FHOD3: variants seen among roughly 807,000 people sequenced by gnomAD.
The protein encoded by FHOD3 is formin homology 2 domain containing 3.
FHOD3 carries 90 observed loss-of-function variants against 173.0 expected under a neutral mutation model. That is an observed-to-expected ratio of 0.52 (90% confidence interval 0.44 to 0.62). The LOEUF (loss-of-function observed/expected upper bound fraction) is 0.62. Ranked by LOEUF, FHOD3 falls within the 20% of genes least tolerant of loss-of-function variation. FHOD3 has a pLI of 0.00. For missense variants in FHOD3, 1,945 were observed against 2,034.7 expected (o/e 0.96, Z 0.85); for synonymous variants, 828 against 823.0 (o/e 1.01, Z -0.10).
chr18:36,608,540 T>A (rs1187687430), intron 8 of FHOD3, among the ~76,000 whole-genome samples: 2 of 152,178 alleles, frequency 1.3e-5, no homozygotes, highest in Non-Finnish European at 2.9e-5. Flanking sequence ...CAATGCACCT[T>A]CTAGAATATA....
intron 13 of FHOD3, among the ~76,000 whole-genome samples, chr18:36,655,760 C>T (rs1206214240): frequency 7.1e-6 from 1 of 141,014 alleles, no homozygotes; most frequent in Non-Finnish European, 1.5e-5. Flanking sequence ...CACACACACA[C>T]ACACACACAC....
intron 6 of FHOD3, among the ~76,000 whole-genome samples, chr18:36,577,092 C>CA (rs201527092): frequency 0.064 from 7,984 of 124,196 alleles, 504 homozygotes; most frequent in East Asian, 0.16. Flanking sequence ...GACTCTGTCT[C>CA]AAAAAAAAAA....
intron 3 of FHOD3, among the ~76,000 whole-genome samples, chr18:36,428,248 G>C (rs1044440586): frequency 1.3e-5 from 2 of 152,114 alleles, no homozygotes; most frequent in African/African-American, 4.8e-5. Context: ...TAAATTCTTA[G>C]AGGGCAGGAA....
At chr18:36,423,364 G>A (rs1322025071) in intron 3 of FHOD3, among the ~76,000 whole-genome samples, 1 of 152,100 alleles carries the variant, frequency 6.6e-6, no homozygotes, top group Non-Finnish European at 1.5e-5. Context: ...ACTGAATTTG[G>A]GTGAAGATCT....
intron 3 of FHOD3, among the ~76,000 whole-genome samples, chr18:36,494,283 T>C (rs1199825027): frequency 1.3e-5 from 2 of 152,224 alleles, no homozygotes; most frequent in Non-Finnish European, 2.9e-5. Context: ...CTTTGCCCTC[T>C]ACTCTTGTTA....
At chr18:36,583,032 G>C (rs1343670722) in intron 6 of FHOD3, among the ~76,000 whole-genome samples, 1 of 152,150 alleles carries the variant, frequency 6.6e-6, no homozygotes, top group Non-Finnish European at 1.5e-5. Context: ...TTAACTGTTA[G>C]TGCTAATTTT....
chr18:36,658,646 G>A (rs1197102184), intron 14 of FHOD3, among the ~76,000 whole-genome samples: 2 of 152,180 alleles, frequency 1.3e-5, no homozygotes, highest in African/African-American at 4.8e-5. Flanking sequence ...ATGGGTACAT[G>A]GAAGGAATTT....
intron 6 of FHOD3, among the ~76,000 whole-genome samples, chr18:36,585,356 C>T (rs2058991366): frequency 6.6e-6 from 1 of 152,146 alleles, no homozygotes; most frequent in Admixed American, 6.5e-5. Flanking sequence ...GGCTGTTGCT[C>T]TTCTACCGGC....
In FHOD3 at chr18:36,743,603, T is replaced by G. The variant is rs571217193; in HGVS notation, c.3880-429T>G. 2.6e-5 allele frequency among the ~76,000 whole-genome samples: 4 copies of G among 152,350 alleles called. No individual in the cohort carries two copies. The South Asian group carries it at 8.3e-4, about 32-fold the overall frequency. ...TACAGGTTTGTTACATTGGTAAACA[T>G]GTGCCCTGGTAGTTTGCTGCCCCTA... On this transcript the variant is annotated intron_variant, in intron 22 of 28. Coordinates refer to ENST00000590592, the MANE Select transcript of FHOD3 (RefSeq NM_001281740.3).
At chr18:36,434,172 G>T (rs996488563) in intron 3 of FHOD3, among the ~76,000 whole-genome samples, 3 of 152,142 alleles carry the variant, frequency 2.0e-5, no homozygotes, top group Admixed American at 6.5e-5. Context: ...AGATCACAAA[G>T]ATTTTATCCT....
chr18:36,579,799 T>C (rs2058779470), intron 6 of FHOD3, among the ~76,000 whole-genome samples: 1 of 152,108 alleles, frequency 6.6e-6, no homozygotes, highest in Admixed American at 6.5e-5. Flanking sequence ...ATTTCTGTTC[T>C]TCATAAATTA....
At position 36,300,379 on chromosome 18, in the gene FHOD3, C is replaced by A. The variant is rs116143406; in HGVS notation, c.165+2379C>A. On this transcript the variant is annotated intron_variant, in intron 1 of 28. Transcript: ENST00000590592. ...GGCCAAGCACTTTTAGGCCTGGGGA[C>A]AGGTGAATGTTATAAATGAGTAAAA... 7.9e-5 allele frequency among the ~76,000 whole-genome samples: 12 copies of A among 152,280 alleles called. No homozygotes were observed. The East Asian group carries it at 2.3e-3, about 29-fold the overall frequency.
chr18:36,779,692 G>A lies in FHOD3; in HGVS notation c.*162G>A, dbSNP rs1027636249. ...CCCCATGGCTTGTGTTGCCTGCTACGCATTGACTTGGATCTCCAGGAGTCC... is the reference window on the plus strand; with the variant it reads ...CCCCATGGCTTGTGTTGCCTGCTACACATTGACTTGGATCTCCAGGAGTCC... On this transcript the variant is annotated 3_prime_UTR_variant, in exon 29 of 29. Transcript: ENST00000590592. 1.6e-5 allele frequency: 10 copies of A among 637,636 alleles called. No individual in the cohort carries two copies. The highest frequency in any genetic ancestry group is 3.9e-4 in the Middle Eastern group (1 of 2,532). The allele number at this position is 637,636 out of a possible 1,614,324, so 39.5% of individuals were successfully genotyped here. A position where few individuals can be genotyped will look rare whatever the true frequency, so the allele number is the denominator to read the frequency against.
chr18:36,726,555 C>T (rs1255528615), intron 19 of FHOD3, among the ~76,000 whole-genome samples: 1 of 152,154 alleles, frequency 6.6e-6, no homozygotes, highest in African/African-American at 2.4e-5. Flanking sequence ...TCTTCTCTGA[C>T]CTCTGCTTTA....
chr18:36,561,210 G>T (rs1164133946), intron 5 of FHOD3, among the ~76,000 whole-genome samples: 3 of 152,206 alleles, frequency 2.0e-5, no homozygotes, highest in Non-Finnish European at 4.4e-5. Flanking sequence ...GTCATTGATT[G>T]ACAGCCAGTA....
At chr18:36,593,184 A>C (rs1213847867) in intron 6 of FHOD3, among the ~76,000 whole-genome samples, 1 of 152,208 alleles carries the variant, frequency 6.6e-6, no homozygotes, top group East Asian at 1.9e-4. Context: ...TGGGCAGAGA[A>C]GTAACCACTG....
At chr18:36,592,929 G>A (rs11663994) in intron 6 of FHOD3, among the ~76,000 whole-genome samples, 2 of 152,172 alleles carry the variant, frequency 1.3e-5, no homozygotes, top group Non-Finnish European at 2.9e-5. Flanking sequence ...GCAATATTTA[G>A]CATCTGATCT....
intron 24 of FHOD3, among the ~76,000 whole-genome samples, chr18:36,749,053 C>G (rs2042289564): frequency 1.3e-5 from 2 of 152,096 alleles, no homozygotes; most frequent in Admixed American, 1.3e-4. Context: ...GCAAATGAGC[C>G]TGCCTAAATA....
chr18:36,542,836 C>CA (rs879465898), intron 5 of FHOD3, among the ~76,000 whole-genome samples: 20 of 150,546 alleles, frequency 1.3e-4, no homozygotes, highest in African/African-American at 3.4e-4. Context: ...TTTGGAAGCA[C>CA]AAAAAAAAAT....
Sources: gnomAD v4.1 joint callset for allele counts (sites outside exome capture counted in the v4.1 genomes callset) on GRCh38, gnomAD v4.1.1 for gene constraint, MANE v1.5 for transcripts, NCBI Gene and HGNC (gene_info 2026-07-23, HGNC 2026-07-21) for gene names.